SLC7A9: variants seen among roughly 807,000 people sequenced by gnomAD.
SLC7A9 encodes B(0,+)-type amino acid transporter 1.
In SLC7A9, 38 loss-of-function variants were observed where a neutral mutation model predicts 54.1. The ratio of observed to expected loss-of-function variants is 0.70; its 90% CI spans 0.54 to 0.92. SLC7A9 has a LOEUF of 0.92. Ranked by LOEUF, SLC7A9 falls within the 40% of genes least tolerant of loss-of-function variation. The pLI, the probability that SLC7A9 is intolerant of heterozygous loss-of-function variation, is 0.00. For missense variants in SLC7A9, 537 were observed against 636.1 expected (o/e 0.84, Z 1.68); for synonymous variants, 264 against 258.9 (o/e 1.02, Z -0.19).
chr19:32,844,230 A>G (rs1369325936), intron 9 of SLC7A9, among the ~76,000 whole-genome samples: 1 of 152,188 alleles, frequency 6.6e-6, no homozygotes, highest in East Asian at 1.9e-4. Context: ...ACTTGAGCCC[A>G]GGAGTTGGAG....
In SLC7A9 at chr19:32,864,712, GA is replaced by G. The variant is rs760395305; in HGVS notation, c.151del (p.Ser51ProfsTer39). On this transcript the variant is annotated frameshift_variant, in exon 3 of 13. Coordinates refer to ENST00000023064, the MANE Select transcript of SLC7A9 (RefSeq NM_014270.5). LOFTEE classifies it high-confidence loss of function. Reference sequence around the variant, plus strand: ...CGTGTTGCTGAGCACAGACTTGGGGGAAACGAAGATCCCAGAGCCAATGATG... The same window carrying G: ...CGTGTTGCTGAGCACAGACTTGGGGGAACGAAGATCCCAGAGCCAATGATG... ...GTIIGSGIFV[S>X]PKSVLSNTEA... 1 of 1,614,202 alleles carries G rather than the reference GA, an allele frequency of 6.2e-7. No individual in the cohort carries two copies.
chr19:32,845,237 A>G (rs1968252462), intron 9 of SLC7A9, among the ~76,000 whole-genome samples: 1 of 152,118 alleles, frequency 6.6e-6, no homozygotes, highest in Non-Finnish European at 1.5e-5. Context: ...GCTGTCGCCT[A>G]TACTCCCAGC....
chr19:32,864,866 C>T lies in SLC7A9; in HGVS notation c.88-90G>A, dbSNP rs10403964. 2,205 of 1,557,932 alleles carry T rather than the reference C, an allele frequency of 1.4e-3. 32 individuals carry two copies. The African/African-American group carries it at 0.026, about 18-fold the overall frequency. On this transcript the variant is annotated intron_variant, in intron 2 of 12. Coordinates refer to ENST00000023064, the MANE Select transcript of SLC7A9 (RefSeq NM_014270.5). Reference sequence around the variant, plus strand: ...CCACCCTCCCTCGGTACGGCCAGGGCGGCCCCAGCCAAAGCCCATGTCCCA... The same window carrying T: ...CCACCCTCCCTCGGTACGGCCAGGGTGGCCCCAGCCAAAGCCCATGTCCCA...
At chr19:32,834,507 G>A (rs967331960) in intron 11 of SLC7A9, among the ~76,000 whole-genome samples, 1 of 152,058 alleles carries the variant, frequency 6.6e-6, no homozygotes, top group Non-Finnish European at 1.5e-5. Flanking sequence ...GCAGATGCCT[G>A]TAATCCCAGC....
chr19:32,838,657 A>G (rs1444934420), intron 11 of SLC7A9, among the ~76,000 whole-genome samples: 1 of 148,186 alleles, frequency 6.7e-6, no homozygotes, highest in Non-Finnish European at 1.5e-5. Context: ...ATATCCTTAT[A>G]TAATACCCTT....
chr19:32,839,726 G>A (rs911316962), intron 11 of SLC7A9, among the ~76,000 whole-genome samples: 1 of 152,154 alleles, frequency 6.6e-6, no homozygotes, highest in African/African-American at 2.4e-5. Context: ...AGCATGAAGT[G>A]TTGGTGGTGA....
chr19:32,830,768 T>C lies in SLC7A9; in HGVS notation c.1400-84A>G. On this transcript the variant is annotated intron_variant, in intron 12 of 12. Transcript: ENST00000023064. ...GGAGTTGTTGTGGGTGAGGGTGACA[T>C]TGTTTTCAGTCTTTGGTGATGCGTC... The C allele has an allele frequency of 3.6e-6, 4 of 1,096,278 alleles. No homozygotes were observed. The South Asian group carries it at 5.0e-5, about 14-fold the overall frequency. 67.9% of individuals were successfully genotyped at this position (1,096,278 alleles called of 1,614,324 possible).
chr19:32,863,364 T>C (rs1968863756), intron 4 of SLC7A9, among the ~76,000 whole-genome samples: 1 of 151,928 alleles, frequency 6.6e-6, no homozygotes. Context: ...TGACCTCATG[T>C]AATCCCTCCA....
intron 9 of SLC7A9, among the ~76,000 whole-genome samples, chr19:32,850,816 C>G (rs1022975488): frequency 6.6e-6 from 1 of 152,048 alleles, no homozygotes; most frequent in African/African-American, 2.4e-5. Flanking sequence ...GTACTGGTAC[C>G]AAAACAGAGA....
At chr19:32,842,371 T>G in intron 10 of SLC7A9, 54 bp from the exon 11 acceptor site, 1 of 1,553,934 alleles carries the variant, frequency 6.4e-7, no homozygotes, top group Non-Finnish European at 8.9e-7. Context: ...ACTGTTCTCA[T>G]GTCACAGAAG....
intron 11 of SLC7A9, among the ~76,000 whole-genome samples, chr19:32,833,860 CTTCA>C (rs1967879997): frequency 6.6e-6 from 1 of 152,016 alleles, no homozygotes; most frequent in African/African-American, 2.4e-5. Flanking sequence ...TGATCGTTGC[CTTCA>C]TTGTTTCATC....
intron 10 of SLC7A9, 147 bp from the exon 11 acceptor site, chr19:32,842,464 C>A (rs1410230447): frequency 5.4e-6 from 4 of 743,504 alleles, no homozygotes; most frequent in Non-Finnish European, 9.2e-6. Context: ...GGGGTTAAAC[C>A]TGACTTTGGC....
chr19:32,852,703 T>C (rs767014510), intron 9 of SLC7A9, among the ~76,000 whole-genome samples: 2 of 152,018 alleles, frequency 1.3e-5, no homozygotes, highest in Non-Finnish European at 2.9e-5. Context: ...GGAAGGGAGA[T>C]TTAGACACAA....
intron 11 of SLC7A9, among the ~76,000 whole-genome samples, chr19:32,841,386 C>G (rs1003257117): frequency 2.6e-5 from 4 of 152,140 alleles, no homozygotes; most frequent in African/African-American, 9.6e-5. Context: ...TGAGTGGTTG[C>G]ATGCACAGCA....
chr19:32,839,758 T>C (rs1167134639), intron 11 of SLC7A9, among the ~76,000 whole-genome samples: 1 of 152,122 alleles, frequency 6.6e-6, no homozygotes, highest in Non-Finnish European at 1.5e-5. Flanking sequence ...CCAGAATTAT[T>C]TCCTTTCCTT....
intron 9 of SLC7A9, among the ~76,000 whole-genome samples, chr19:32,857,474 T>C (rs900982504): frequency 6.9e-6 from 1 of 144,464 alleles, no homozygotes; most frequent in Non-Finnish European, 1.5e-5. Context: ...AATTTAAATT[T>C]AAAATTTATA....
chr19:32,840,665 C>A (rs562025099), intron 11 of SLC7A9, among the ~76,000 whole-genome samples: 68 of 152,262 alleles, frequency 4.5e-4, no homozygotes, highest in African/African-American at 1.5e-3. Context: ...GCAGTTGTTT[C>A]TCTTGCTGTT....
At chr19:32,866,135 G>A (rs1968964202) in intron 2 of SLC7A9, among the ~76,000 whole-genome samples, 1 of 152,172 alleles carries the variant, frequency 6.6e-6, no homozygotes, top group Non-Finnish European at 1.5e-5. Context: ...GGAAGAAGCT[G>A]GGCTTGGAGT....
At chr19:32,842,520 T>C (rs1235014118) in intron 10 of SLC7A9, among the ~76,000 whole-genome samples, 1 of 152,154 alleles carries the variant, frequency 6.6e-6, no homozygotes, top group Non-Finnish European at 1.5e-5. Flanking sequence ...ACCTGGGAAA[T>C]TTCTGAATCT....
Sources: gnomAD v4.1 joint callset for allele counts (sites outside exome capture counted in the v4.1 genomes callset) on GRCh38, gnomAD v4.1.1 for gene constraint, MANE v1.5 for transcripts, NCBI Gene and HGNC (gene_info 2026-07-23, HGNC 2026-07-21) for gene names.